KANK1: variants seen among roughly 807,000 people sequenced by gnomAD.
KANK1 encodes the protein KN motif and ankyrin repeat domain-containing protein 1.
Under a neutral mutation model 106.2 loss-of-function variants are expected in KANK1, and 109 were observed. The ratio of observed to expected loss-of-function variants is 1.03; its 90% CI spans 0.88 to 1.20. The LOEUF (loss-of-function observed/expected upper bound fraction) is 1.20, where lower values mean the gene tolerates loss of function less well. Among genes scored for constraint, KANK1 ranks in the 50% most tolerant of loss-of-function variants. KANK1 has a pLI of 0.00. For missense variants in KANK1, 2,399 were observed against 1,710.7 expected (o/e 1.40, Z -7.10); for synonymous variants, 873 against 652.2 (o/e 1.34, Z -5.16).
Position 712,052 on chromosome 9 carries a change from C to A in KANK1, c.1286C>A (p.Thr429Lys). ...TCCTGTAAGGATGCAGCTGTAGGGA[C>A]ACTTGTTGAGATGAGAAATTGTGGG... ...SRSCKDAAVG[T>K]LVEMRNCGVS... The change falls in exon 3 of 12, where the codon ACA (threonine) becomes AAA (lysine). Residue 429 changes from threonine to lysine, a missense_variant. Physicochemically the swap from Thr to Lys is moderately conservative, Grantham distance 78. Coordinates refer to ENST00000382297, the MANE Select transcript of KANK1 (RefSeq NM_015158.5). The A allele has an allele frequency of 3.1e-6, 5 of 1,614,042 alleles. No homozygotes were observed. Among genetic ancestry groups the A allele is most frequent in the Non-Finnish European group, 4.2e-6 (5 of 1,180,034 alleles).
intron 6 of KANK1, chr9:734,461 T>G: frequency 1.1e-5 from 3 of 273,544 alleles, no homozygotes; most frequent in Non-Finnish European, 2.2e-5. Flanking sequence ...AGGTCAGGAG[T>G]TCAAAACCAG....
intron 2 of KANK1, among the ~76,000 whole-genome samples, chr9:699,118 A>G (rs1204618067): frequency 6.6e-6 from 1 of 151,840 alleles, no homozygotes; most frequent in Non-Finnish European, 1.5e-5. Flanking sequence ...TGCCCGGTGG[A>G]CTCCTTAGCT....
chr9:533,452 T>A (rs1395731670), intron 1 of KANK1, among the ~76,000 whole-genome samples: 1 of 152,218 alleles, frequency 6.6e-6, no homozygotes, highest in African/African-American at 2.4e-5. Context: ...GCATTTAAAG[T>A]GGCAGGCACA....
chr9:621,799 A>C (rs967183639), intron 1 of KANK1, among the ~76,000 whole-genome samples: 1 of 151,904 alleles, frequency 6.6e-6, no homozygotes, highest in Non-Finnish European at 1.5e-5. Context: ...GAATCCCCAC[A>C]TTACCCATCA....
In KANK1 at chr9:570,135, G is replaced by A. The variant is rs116784538; in HGVS notation, c.-84+65381G>A. On this transcript the variant is annotated intron_variant, in intron 1 of 11. Coordinates refer to ENST00000382297, the MANE Select transcript of KANK1 (RefSeq NM_015158.5). ...GATGGCTTTGTTTTAATCTGTGCTT[G>A]GAGAGTGCTCTCTCATTGCTACTTT... Among the ~76,000 whole-genome samples, 1,025 of 152,208 alleles carry A rather than the reference G, an allele frequency of 6.7e-3. 17 individuals are homozygous for A. Among genetic ancestry groups the A allele is most frequent in the African/African-American group, 0.023 (967 of 41,518 alleles).
At chr9:719,095 G>T (rs1046712901) in intron 3 of KANK1, among the ~76,000 whole-genome samples, 1 of 151,636 alleles carries the variant, frequency 6.6e-6, no homozygotes, top group Admixed American at 6.6e-5. Flanking sequence ...GAATAGCTGG[G>T]ACTACAGGCA....
intron 7 of KANK1, among the ~76,000 whole-genome samples, chr9:737,748 TG>T (rs1287579728): frequency 6.6e-6 from 1 of 152,176 alleles, no homozygotes; most frequent in Non-Finnish European, 1.5e-5. Context: ...GCTGAGGAGT[TG>T]AAGGAGGTGA....
chr9:646,076 T>G (rs1839609452), intron 1 of KANK1, among the ~76,000 whole-genome samples: 1 of 150,980 alleles, frequency 6.6e-6, no homozygotes, highest in South Asian at 2.1e-4. Context: ...TAATAAAGTC[T>G]TTGTTTCCTT....
chr9:736,076 C>T (rs1207718464), intron 7 of KANK1, among the ~76,000 whole-genome samples: 1 of 152,094 alleles, frequency 6.6e-6, no homozygotes, highest in African/African-American at 2.4e-5. Flanking sequence ...TCCTGCCTCA[C>T]CCTCCCCAGT....
chr9:525,545 A>G (rs990108737), intron 1 of KANK1, among the ~76,000 whole-genome samples: 8 of 149,904 alleles, frequency 5.3e-5, no homozygotes, highest in Non-Finnish European at 3.0e-5. Context: ...ATGCCCTGCT[A>G]ATTTTTGTAT....
intron 1 of KANK1, among the ~76,000 whole-genome samples, chr9:642,324 C>A (rs1361229656): frequency 2.7e-5 from 4 of 150,824 alleles, no homozygotes; most frequent in Non-Finnish European, 4.4e-5. Context: ...AAGGGAATAA[C>A]CTTTGAGGGT....
In KANK1 at chr9:691,611, A is replaced by ATTTTTT. The variant is rs767618077; in HGVS notation, c.37+14616_37+14621dup. 1.5e-4 allele frequency among the ~76,000 whole-genome samples: 11 copies of ATTTTTT among 71,068 alleles called. 4 individuals carry two copies. Among genetic ancestry groups the ATTTTTT allele is most frequent in the South Asian group, 7.7e-4 (1 of 1,306 alleles). 46.6% of individuals were successfully genotyped at this position (71,068 alleles called of 152,430 possible). A position where few individuals can be genotyped will look rare whatever the true frequency, so the allele number is the denominator to read the frequency against. On this transcript the variant is annotated intron_variant, in intron 2 of 11. Transcript: ENST00000382297. ...AATAATGTAACTAAATAATACCAGA[A>ATTTTTT]TTTTTTTTTTTTTTTTTTTGAGACC...
chr9:495,612 A>C (rs1238646140), intron 3 of KANK1: 1 of 152,096 alleles, frequency 6.6e-6, no homozygotes, highest in Non-Finnish European at 1.5e-5. Context: ...CTAAAACTTC[A>C]TCAGGTCATG....
intron 1 of KANK1, among the ~76,000 whole-genome samples, chr9:509,203 T>G (rs762821962): frequency 1.7e-4 from 26 of 152,286 alleles, no homozygotes; most frequent in Non-Finnish European, 3.1e-4. Flanking sequence ...GTTCAAGCAA[T>G]TCTCCTGCCT....
intron 1 of KANK1, among the ~76,000 whole-genome samples, chr9:676,312 A>C (rs1311711772): frequency 6.6e-6 from 1 of 152,178 alleles, no homozygotes; most frequent in Non-Finnish European, 1.5e-5. Context: ...ATCCAACGGC[A>C]CAGTGGGAGA....
intron 1 of KANK1, among the ~76,000 whole-genome samples, chr9:592,051 A>G (rs980340811): frequency 1.3e-5 from 2 of 151,812 alleles, no homozygotes; most frequent in Admixed American, 1.3e-4. Flanking sequence ...TGTTGACCAC[A>G]GCGAGGTCTC....
At chr9:636,828 G>T (rs1837251079) in intron 1 of KANK1, among the ~76,000 whole-genome samples, 1 of 152,152 alleles carries the variant, frequency 6.6e-6, no homozygotes. Context: ...GATTGCCATT[G>T]GACTCCAGCC....
intron 6 of KANK1, 177 bp downstream of exon 6, chr9:732,794 C>G: frequency 1.6e-6 from 1 of 613,428 alleles, no homozygotes. Flanking sequence ...TCTTAGATCT[C>G]TTATGGTAGA....
chr9:565,526 G>T (rs1398466872), intron 1 of KANK1, among the ~76,000 whole-genome samples: 1 of 152,220 alleles, frequency 6.6e-6, no homozygotes, highest in African/African-American at 2.4e-5. Flanking sequence ...TCTCCCTGAA[G>T]TTTTGGGGGT....
Sources: allele counts gnomAD v4.1 joint callset (sites outside exome capture counted in the v4.1 genomes callset), GRCh38; gene constraint gnomAD v4.1.1; transcripts MANE v1.5; gene names NCBI Gene and HGNC (gene_info 2026-07-23, HGNC 2026-07-21).